The following CTNNA2 variants were observed in gnomAD, a reference collection of about 807,000 sequenced individuals.
CTNNA2 encodes the protein catenin alpha 2, also known as catenin alpha-2.
CTNNA2 carries 42 observed loss-of-function variants against 101.0 expected under a neutral mutation model. The observed-to-expected ratio is 0.42, with a 90% CI of 0.32 to 0.54. CTNNA2 has a LOEUF of 0.54. Ranked by LOEUF, CTNNA2 falls within the 20% of genes least tolerant of loss-of-function variation. The pLI is 0.14. For missense variants in CTNNA2, 871 were observed against 1,223.1 expected (o/e 0.71, Z 4.29); for synonymous variants, 450 against 456.4 (o/e 0.99, Z 0.18).
intron 6 of CTNNA2, among the ~76,000 whole-genome samples, chr2:79,901,910 G>C (rs1428325440): frequency 6.6e-6 from 1 of 152,184 alleles, no homozygotes; most frequent in Non-Finnish European, 1.5e-5. Flanking sequence ...AGTACAATTA[G>C]ATACAAACTC....
At chr2:80,404,429 G>A (rs923254420) in intron 8 of CTNNA2, among the ~76,000 whole-genome samples, 3 of 152,140 alleles carry the variant, frequency 2.0e-5, no homozygotes, top group African/African-American at 7.2e-5. Flanking sequence ...GTCCCCCAGT[G>A]AGGGGGGAAA....
intron 3 of CTNNA2, among the ~76,000 whole-genome samples, chr2:79,805,402 A>G (rs1194183459): frequency 1.3e-5 from 2 of 152,142 alleles, no homozygotes; most frequent in Non-Finnish European, 2.9e-5. Flanking sequence ...CAAAGTTTTG[A>G]CTGTGTTTTG....
intron 15 of CTNNA2, among the ~76,000 whole-genome samples, chr2:80,600,946 A>G (rs1389621938): frequency 6.6e-6 from 1 of 152,112 alleles, no homozygotes; most frequent in Non-Finnish European, 1.5e-5. Context: ...CTAAGTCCCA[A>G]TACCTTTATT....
chr2:79,562,414 G>T (rs1674837667), intron 1 of CTNNA2, among the ~76,000 whole-genome samples: 1 of 151,914 alleles, frequency 6.6e-6, no homozygotes, highest in Non-Finnish European at 1.5e-5. Flanking sequence ...ATGTAGTTAG[G>T]TAAATTTATT....
intron 15 of CTNNA2, among the ~76,000 whole-genome samples, chr2:80,601,421 C>CTTTTTTTT (rs56921519): frequency 9.5e-5 from 8 of 84,382 alleles, no homozygotes; most frequent in East Asian, 4.2e-4. Context: ...TTCTTTCTTT[C>CTTTTTTTT]TTTTTTTTTT....
At chr2:79,704,434 A>G (rs976553950) in intron 2 of CTNNA2, among the ~76,000 whole-genome samples, 10 of 151,578 alleles carry the variant, frequency 6.6e-5, no homozygotes, top group Admixed American at 5.9e-4. Context: ...TCAAATCTCA[A>G]TGTTTAACGG....
At chr2:79,374,882 G>A (rs1677948803) in intron 4 of CTNNA2, among the ~76,000 whole-genome samples, 1 of 152,160 alleles carries the variant, frequency 6.6e-6, no homozygotes, top group African/African-American at 2.4e-5. Flanking sequence ...TTTTGAATAT[G>A]ACAGTTGTGA....
intron 2 of CTNNA2, among the ~76,000 whole-genome samples, chr2:79,235,450 T>A (rs1674543695): frequency 6.6e-6 from 1 of 152,056 alleles, no homozygotes; most frequent in Non-Finnish European, 1.5e-5. Context: ...CCCCCTCACC[T>A]GGTCTGCTCC....
intron 2 of CTNNA2, among the ~76,000 whole-genome samples, chr2:79,679,645 G>T (rs981491182): frequency 2.0e-5 from 3 of 152,034 alleles, no homozygotes; most frequent in African/African-American, 7.2e-5. Flanking sequence ...GGGAGTTAGG[G>T]TGAACGTTTG....
intron 3 of CTNNA2, among the ~76,000 whole-genome samples, chr2:79,359,615 A>G (rs1453127024): frequency 2.6e-5 from 4 of 152,208 alleles, no homozygotes; most frequent in Non-Finnish European, 5.9e-5. Flanking sequence ...GAATTACTCT[A>G]TAGATATGCA....
intron 1 of CTNNA2, among the ~76,000 whole-genome samples, chr2:79,638,408 G>A (rs997556046): frequency 6.6e-6 from 1 of 152,168 alleles, no homozygotes; most frequent in African/African-American, 2.4e-5. Context: ...AGCTTAATAA[G>A]ATGATTTACT....
At chr2:79,413,946 TATATATATA>T (rs1678447930) in intron 4 of CTNNA2, among the ~76,000 whole-genome samples, 1 of 25,108 alleles carries the variant, frequency 4.0e-5, no homozygotes, top group African/African-American at 1.8e-4. Context: ...TATATATATA[TATATATATA>T]TATATATATA....
intron 7 of CTNNA2, among the ~76,000 whole-genome samples, chr2:80,066,296 G>A (rs1381211786): frequency 6.6e-6 from 1 of 151,968 alleles, no homozygotes; most frequent in Non-Finnish European, 1.5e-5. Flanking sequence ...TGAAATGCGA[G>A]GAAATATTTT....
At chr2:80,135,632 C>A (rs559278785) in intron 7 of CTNNA2, among the ~76,000 whole-genome samples, 1 of 152,234 alleles carries the variant, frequency 6.6e-6, no homozygotes, top group East Asian at 1.9e-4. Flanking sequence ...ACTTGAGAAC[C>A]ATCCAGTTTA....
intron 3 of CTNNA2, among the ~76,000 whole-genome samples, chr2:79,338,120 C>A (rs1352110645): frequency 6.6e-6 from 1 of 151,740 alleles, no homozygotes. Context: ...TGGTGGCACA[C>A]GCCTATAATC....
intron 2 of CTNNA2, among the ~76,000 whole-genome samples, chr2:79,303,041 T>C (rs771875629): frequency 1.3e-5 from 2 of 152,220 alleles, no homozygotes; most frequent in Non-Finnish European, 2.9e-5. Flanking sequence ...TGCCCAGTCT[T>C]CTACATAGGA....
chr2:79,659,996 A>G (rs937446870), intron 2 of CTNNA2, among the ~76,000 whole-genome samples: 15 of 152,186 alleles, frequency 9.9e-5, no homozygotes, highest in African/African-American at 3.4e-4. Flanking sequence ...CCATCTCTAA[A>G]AAGAATAATA....
At chr2:79,940,508 T>A (rs529295476) in intron 7 of CTNNA2, among the ~76,000 whole-genome samples, 3 of 152,348 alleles carry the variant, frequency 2.0e-5, no homozygotes, top group African/African-American at 4.8e-5. Context: ...GTGCTTCCTC[T>A]GCCTAGCAAC....
At chr2:80,636,233 G>T (rs550939681) in intron 18 of CTNNA2, among the ~76,000 whole-genome samples, 1 of 152,210 alleles carries the variant, frequency 6.6e-6, no homozygotes, top group East Asian at 1.9e-4. Context: ...ATTCGAAACT[G>T]GGAATTTATT....
Sources: gnomAD v4.1 joint callset for allele counts (sites outside exome capture counted in the v4.1 genomes callset) on GRCh38, gnomAD v4.1.1 for gene constraint, MANE v1.5 for transcripts, NCBI Gene and HGNC (gene_info 2026-07-23, HGNC 2026-07-21) for gene names.